Variants in HLCS observed in about 807,000 individuals in gnomAD.
The protein encoded by HLCS is biotin--protein ligase.
Under a neutral mutation model 75.0 loss-of-function variants are expected in HLCS, and 53 were observed. The ratio of observed to expected loss-of-function variants is 0.71; its 90% CI spans 0.57 to 0.89. HLCS has a LOEUF of 0.89. HLCS is among the 40% of genes least tolerant of loss of function. The probability of loss-of-function intolerance (pLI) is 0.00; values close to 1 mark genes in which losing one functional copy is unlikely to be tolerated. For synonymous variants in HLCS, 431 were observed against 428.6 expected (o/e 1.01, Z -0.07); for missense variants, 966 against 1,074.0 (o/e 0.90, Z 1.41).
chr21:36,755,550 G>A (rs2089532240), intron 10 of HLCS, among the ~76,000 whole-genome samples: 2 of 152,100 alleles, frequency 1.3e-5, no homozygotes, highest in South Asian at 2.1e-4. Flanking sequence ...GGATACAAAC[G>A]GTCCATGTTC....
At chr21:36,818,361 A>G (rs1013538882) in intron 6 of HLCS, among the ~76,000 whole-genome samples, 2 of 152,318 alleles carry the variant, frequency 1.3e-5, no homozygotes, top group Non-Finnish European at 2.9e-5. Context: ...ATTCTCAACA[A>G]CTTCACCAAA....
At chr21:36,808,635 T>C (rs577330744) in intron 6 of HLCS, among the ~76,000 whole-genome samples, 113 of 152,330 alleles carry the variant, frequency 7.4e-4, no homozygotes, top group African/African-American at 2.4e-3. Flanking sequence ...CAAGACAGTG[T>C]TATAATTTTT....
intron 1 of HLCS, among the ~76,000 whole-genome samples, chr21:36,973,208 C>T (rs2068840174): frequency 1.4e-5 from 2 of 143,834 alleles, no homozygotes; most frequent in Admixed American, 7.2e-5. Flanking sequence ...CCAGCCTCAG[C>T]GACAGAGAAA....
At chr21:36,827,937 C>T (rs1017522587) in intron 6 of HLCS, among the ~76,000 whole-genome samples, 1 of 151,808 alleles carries the variant, frequency 6.6e-6, no homozygotes, top group African/African-American at 2.4e-5. Context: ...CCTCAGCCTC[C>T]CAAGTAGCTG....
At chr21:36,908,190 G>A (rs948103581) in intron 5 of HLCS, among the ~76,000 whole-genome samples, 1 of 151,946 alleles carries the variant, frequency 6.6e-6, no homozygotes, top group Non-Finnish European at 1.5e-5. Context: ...TCTGAGACCA[G>A]CCTAAGCAAC....
chr21:36,754,191 A>C lies in HLCS; in HGVS notation c.*55T>G. 3.2e-6 allele frequency: 5 copies of C among 1,552,742 alleles called. No homozygotes were observed. Among genetic ancestry groups the C allele is most frequent in the Non-Finnish European group, 4.4e-6 (5 of 1,128,080 alleles). ...GAAAATTCACCTACAACTCTAAATT[A>C]GATTTCCAGATGCATGGGCACGGAC... is the stretch of plus-strand genomic sequence containing the variant. On this transcript the variant is annotated 3_prime_UTR_variant, in exon 11 of 11. Transcript: ENST00000674895.
intron 6 of HLCS, among the ~76,000 whole-genome samples, chr21:36,773,316 G>A (rs1601180556): frequency 6.6e-6 from 1 of 152,214 alleles, no homozygotes; most frequent in African/African-American, 2.4e-5. Flanking sequence ...TACCTGTCCC[G>A]TGGCTCATTC....
At chr21:36,887,679 A>T (rs1448727225) in intron 6 of HLCS, among the ~76,000 whole-genome samples, 2 of 152,236 alleles carry the variant, frequency 1.3e-5, no homozygotes, top group Non-Finnish European at 2.9e-5. Context: ...ATTAAAATGA[A>T]GGTTTCTTAA....
At chr21:36,902,169 A>C (rs1569168383) in intron 5 of HLCS, among the ~76,000 whole-genome samples, 1 of 152,022 alleles carries the variant, frequency 6.6e-6, no homozygotes, top group Non-Finnish European at 1.5e-5. Flanking sequence ...AAAACTGCAG[A>C]CTCCAGGATA....
intron 5 of HLCS, among the ~76,000 whole-genome samples, chr21:36,906,973 G>T (rs2065486054): frequency 6.6e-6 from 1 of 152,108 alleles, no homozygotes; most frequent in South Asian, 2.1e-4. Context: ...GCAGTGGTGT[G>T]ATTACAGCTC....
intron 5 of HLCS, among the ~76,000 whole-genome samples, chr21:36,927,364 C>T (rs778423270): frequency 6.6e-6 from 1 of 152,228 alleles, no homozygotes; most frequent in Admixed American, 6.5e-5. Context: ...TTCCCAAATG[C>T]CAAGGGCTGA....
intron 6 of HLCS, among the ~76,000 whole-genome samples, chr21:36,861,444 T>C (rs192817928): frequency 2.6e-5 from 4 of 152,340 alleles, no homozygotes; most frequent in East Asian, 3.9e-4. Flanking sequence ...TTGTTTAATA[T>C]AGGCAAACTC....
chr21:36,783,396 T>A (rs1361371983), intron 6 of HLCS, among the ~76,000 whole-genome samples: 1 of 152,144 alleles, frequency 6.6e-6, no homozygotes, highest in African/African-American at 2.4e-5. Flanking sequence ...ACATTTCTTT[T>A]AAAAAATTTC....
intron 5 of HLCS, among the ~76,000 whole-genome samples, chr21:36,922,680 C>T (rs1293212957): frequency 6.6e-6 from 1 of 152,192 alleles, no homozygotes; most frequent in African/African-American, 2.4e-5. Context: ...TGCCCAGCAT[C>T]GGCCGAGCTC....
chr21:36,802,815 C>T (rs999563762), intron 6 of HLCS, among the ~76,000 whole-genome samples: 4 of 152,186 alleles, frequency 2.6e-5, no homozygotes, highest in Admixed American at 6.5e-5. Flanking sequence ...CACAATTCAA[C>T]GGAACAGCCT....
intron 6 of HLCS, among the ~76,000 whole-genome samples, chr21:36,774,447 G>A (rs2060297474): frequency 6.6e-6 from 1 of 152,184 alleles, no homozygotes; most frequent in African/African-American, 2.4e-5. Context: ...TGCAGTGTCA[G>A]TAAAAATGAA....
At chr21:36,810,760 C>T (rs2061488657) in intron 6 of HLCS, among the ~76,000 whole-genome samples, 1 of 152,148 alleles carries the variant, frequency 6.6e-6, no homozygotes, top group Non-Finnish European at 1.5e-5. Flanking sequence ...AGAGTTCCTT[C>T]TAAAAATGTA....
chr21:36,936,414 C>T (rs751672766), intron 4 of HLCS, 35 bp downstream of exon 4: 3 of 1,564,278 alleles, frequency 1.9e-6, no homozygotes, highest in Non-Finnish European at 2.6e-6. Flanking sequence ...CCCACAGATA[C>T]CCAAAGATCA....
At chr21:36,971,933 G>A (rs372233443) in intron 1 of HLCS, 1 of 151,974 alleles carries the variant, frequency 6.6e-6, no homozygotes, top group Non-Finnish European at 1.5e-5. Flanking sequence ...GCTGAGTCTC[G>A]TTATTTGGTT....
Sources: gnomAD v4.1 joint callset for allele counts (sites outside exome capture counted in the v4.1 genomes callset) on GRCh38, gnomAD v4.1.1 for gene constraint, MANE v1.5 for transcripts, NCBI Gene and HGNC (gene_info 2026-07-23, HGNC 2026-07-21) for gene names.